The following ALOX5 variants were observed in gnomAD, a reference collection of about 807,000 sequenced individuals.
The protein encoded by ALOX5 is arachidonate 5-lipoxygenase.
A neutral mutation model predicts 87.9 loss-of-function variants in ALOX5; 64 were observed. That is an observed-to-expected ratio of 0.73 (90% CI 0.60 to 0.90). The LOEUF (loss-of-function observed/expected upper bound fraction) is 0.90. ALOX5 is among the 40% of genes least tolerant of loss of function. The probability of loss-of-function intolerance (pLI) is 0.00; values close to 1 mark genes in which losing one functional copy is unlikely to be tolerated. For missense variants in ALOX5, 822 were observed against 907.5 expected, an observed-to-expected ratio of 0.91 and a Z score of 1.21; for synonymous variants, 388 against 355.1, an observed-to-expected ratio of 1.09 and a Z score of -1.04.
chr10:45,394,796 G>T (rs971772554), intron 2 of ALOX5, among the ~76,000 whole-genome samples: 7 of 152,128 alleles, frequency 4.6e-5, no homozygotes, highest in African/African-American at 1.7e-4. Context: ...GTGGGCGAAG[G>T]ATATGAACAG....
chr10:45,427,413 C>T (rs1354426316), intron 6 of ALOX5, among the ~76,000 whole-genome samples: 1 of 152,234 alleles, frequency 6.6e-6, no homozygotes, highest in Non-Finnish European at 1.5e-5. Context: ...CCCACCCCTG[C>T]TTCCCCCGCC....
chr10:45,401,931 C>T (rs894736571), intron 3 of ALOX5, among the ~76,000 whole-genome samples: 2 of 151,734 alleles, frequency 1.3e-5, no homozygotes, highest in Non-Finnish European at 2.9e-5. Context: ...CTAAAAAATA[C>T]AAAAAATTAG....
chr10:45,445,661 C>G lies in ALOX5; in HGVS notation c.1999C>G (p.Arg667Gly). 1.2e-6 allele frequency: 2 copies of G among 1,613,928 alleles called. No individual in the cohort carries two copies. Among genetic ancestry groups the G allele is most frequent in the Non-Finnish European group, 1.7e-6 (2 of 1,179,944 alleles). ...QLPYYYLSPD[R>G]IPNSVAI The stretch of plus-strand genomic sequence containing the variant: ...GCCATATTACTACTTGTCCCCAGAC[C>G]GGATTCCGAACAGTGTGGCCATCTG... The change falls in exon 14 of 14, where the codon CGG becomes GGG. Residue 667 changes from arginine (R) to glycine (G), a missense_variant. By Grantham distance (125) the Arg-to-Gly change is moderately radical. Coordinates refer to ENST00000374391, the MANE Select transcript of ALOX5 (RefSeq NM_000698.5).
intron 7 of ALOX5, among the ~76,000 whole-genome samples, chr10:45,431,697 C>G (rs930837767): frequency 2.0e-5 from 3 of 151,866 alleles, no homozygotes; most frequent in East Asian, 1.9e-4. Context: ...CTCAGCCTCC[C>G]GAGTAGCTGG....
At chr10:45,377,510 C>G (rs535565643) in intron 1 of ALOX5, among the ~76,000 whole-genome samples, 1 of 152,136 alleles carries the variant, frequency 6.6e-6, no homozygotes, top group African/African-American at 2.4e-5. Flanking sequence ...CTCCGGCTCT[C>G]TGTCCCACAT....
chr10:45,392,712 AAAG>A (rs1840332748), intron 2 of ALOX5, among the ~76,000 whole-genome samples: 1 of 151,654 alleles, frequency 6.6e-6, no homozygotes, highest in Admixed American at 6.6e-5. Context: ...AATTAAAAAA[AAAG>A]AAAAAAAAAA....
At chr10:45,394,753 T>C (rs182057653) in intron 2 of ALOX5, among the ~76,000 whole-genome samples, 1 of 151,754 alleles carries the variant, frequency 6.6e-6, no homozygotes, top group Non-Finnish European at 1.5e-5. Context: ...TCAAACAAAT[T>C]TACAAGAAAA....
chr10:45,383,966 G>A (rs571662236), intron 2 of ALOX5, among the ~76,000 whole-genome samples: 27 of 152,130 alleles, frequency 1.8e-4, no homozygotes, highest in Non-Finnish European at 3.7e-4. Flanking sequence ...CGGTTATGAA[G>A]CCCTTCTTCC....
intron 3 of ALOX5, among the ~76,000 whole-genome samples, chr10:45,411,748 C>A (rs1167233003): frequency 6.6e-6 from 1 of 152,188 alleles, no homozygotes; most frequent in Non-Finnish European, 1.5e-5. Flanking sequence ...ACATGCAGGA[C>A]ATGCACGCAG....
At chr10:45,382,425 C>G (rs1199289276) in intron 1 of ALOX5, 58 bp from the exon 2 acceptor site, 1 of 1,595,934 alleles carries the variant, frequency 6.3e-7, no homozygotes, top group Non-Finnish European at 8.6e-7. Context: ...TTCTTAACAC[C>G]TCCAGAACAA....
chr10:45,392,537 C>T (rs1840324322), intron 2 of ALOX5, among the ~76,000 whole-genome samples: 1 of 151,652 alleles, frequency 6.6e-6, no homozygotes, highest in East Asian at 1.9e-4. Context: ...ATCACCACTC[C>T]CTAATCTCAA....
intron 2 of ALOX5, among the ~76,000 whole-genome samples, chr10:45,389,064 G>A (rs568296117): frequency 1.8e-4 from 27 of 152,326 alleles, no homozygotes; most frequent in African/African-American, 5.3e-4. Context: ...TTCAGTAGCC[G>A]ATTCGATCAA....
In ALOX5 at chr10:45,443,836, G is replaced by A. The variant is rs781737499; in HGVS notation, c.1674+8G>A. On this transcript the variant is annotated splice_region_variant and intron_variant, in intron 12 of 13. Coordinates refer to ENST00000374391, the MANE Select transcript of ALOX5 (RefSeq NM_000698.5). ...GCGGTCAACTTCGGCCAGGTAGGCAGGGCCGGGCCCGCTGGGCAGGGCTCC... is the reference window on the plus strand; with the variant it reads ...GCGGTCAACTTCGGCCAGGTAGGCAAGGCCGGGCCCGCTGGGCAGGGCTCC... The A allele has an allele frequency of 6.3e-7, 1 of 1,597,022 alleles. No homozygotes were observed. Among genetic ancestry groups the A allele is most frequent in the Non-Finnish European group, 8.5e-7 (1 of 1,172,684 alleles).
intron 4 of ALOX5, among the ~76,000 whole-genome samples, chr10:45,418,587 C>A (rs766241576): frequency 7.9e-5 from 12 of 152,324 alleles, no homozygotes; most frequent in Admixed American, 3.3e-4. Flanking sequence ...GGCGTCCTCT[C>A]TGATGGGGCC....
chr10:45,391,670 A>G (rs55837212), intron 2 of ALOX5, among the ~76,000 whole-genome samples: 19,833 of 142,626 alleles, frequency 0.14, 1,530 homozygotes, highest in Non-Finnish European at 0.17. Context: ...CTGGCCGCCC[A>G]TCGTCTGGGA....
intron 3 of ALOX5, among the ~76,000 whole-genome samples, chr10:45,397,303 C>A (rs1204788522): frequency 1.3e-5 from 2 of 152,174 alleles, no homozygotes; most frequent in Non-Finnish European, 2.9e-5. Context: ...TCACTTGAAC[C>A]CAGAAGGCGG....
rs775034649 is a variant in ALOX5 at position 45,441,409 on chromosome 10, C to T, written c.1251C>T (p.Cys417=). 6 of 1,613,536 alleles carry T rather than the reference C, an allele frequency of 3.7e-6. No individual in the cohort carries two copies. The highest frequency in any genetic ancestry group is 1.1e-5 in the South Asian group (1 of 91,012). Residue 417 remains cysteine, a synonymous_variant, in exon 9 of 14, where the codon TGC becomes TGT. Coordinates refer to ENST00000374391, the MANE Select transcript of ALOX5 (RefSeq NM_000698.5). Reference sequence around the variant, plus strand: ...CCAAGGCCCGTGAGCAGCTCATCTGCGAGTGTGGCCTCTTTGACAAGGTGG... The same window carrying T: ...CCAAGGCCCGTGAGCAGCTCATCTGTGAGTGTGGCCTCTTTGACAAGGTGG... The part of the protein sequence containing the change: ...INTKAREQLI[C]ECGLFDKANA...
intron 3 of ALOX5, among the ~76,000 whole-genome samples, chr10:45,409,107 A>T (rs1840975636): frequency 1.3e-5 from 2 of 152,216 alleles, no homozygotes; most frequent in Non-Finnish European, 2.9e-5. Flanking sequence ...GACTTCAGCC[A>T]CTCACAGTGG....
At chr10:45,377,651 A>G (rs1032085602) in intron 1 of ALOX5, among the ~76,000 whole-genome samples, 1 of 151,666 alleles carries the variant, frequency 6.6e-6, no homozygotes, top group Non-Finnish European at 1.5e-5. Context: ...CTGGCCCCCA[A>G]TCTTCCTCTC....
Sources: gnomAD v4.1 joint callset for allele counts (sites outside exome capture counted in the v4.1 genomes callset) on GRCh38, gnomAD v4.1.1 for gene constraint, MANE v1.5 for transcripts, NCBI Gene and HGNC (gene_info 2026-07-23, HGNC 2026-07-21) for gene names.